Variants in GARNL3 observed in about 807,000 individuals in gnomAD.
GARNL3 encodes the protein GTPase-activating Rap/Ran-GAP domain-like protein 3.
In GARNL3, 63 loss-of-function variants were observed where a neutral mutation model predicts 125.0. The observed-to-expected ratio is 0.50, with a 90% CI of 0.41 to 0.62. GARNL3 has a LOEUF of 0.62. Among genes scored for constraint, GARNL3 ranks in the 20% least tolerant of loss-of-function variants. The pLI is 0.00. For missense variants in GARNL3, 994 were observed against 1,244.0 expected, an observed-to-expected ratio of 0.80 and a Z score of 3.02; for synonymous variants, 439 against 457.5, an observed-to-expected ratio of 0.96 and a Z score of 0.52.
chr9:127,261,979 C>T (rs539360938), upstream of GARNL3, among the ~76,000 whole-genome samples: 25 of 152,336 alleles, frequency 1.6e-4, no homozygotes, highest in South Asian at 5.0e-3. Context: ...TTGTTTCTAG[C>T]CACTTTCCCT....
At chr9:127,363,741 A>G (rs988570997) in intron 21 of GARNL3, 1 of 152,230 alleles carries the variant, frequency 6.6e-6, no homozygotes, top group Non-Finnish European at 1.5e-5. Context: ...ACACCTGAGA[A>G]ACTGTATGAA....
At chr9:127,363,580 G>GT (rs1831126916) in intron 21 of GARNL3, 1 of 152,486 alleles carries the variant, frequency 6.6e-6, no homozygotes, top group Admixed American at 6.5e-5. Context: ...GGTGACACCA[G>GT]TGAAGAGAAG....
At chr9:127,322,014 G>T (rs2065419700) in intron 6 of GARNL3, among the ~76,000 whole-genome samples, 1 of 152,052 alleles carries the variant, frequency 6.6e-6, no homozygotes, top group South Asian at 2.1e-4. Context: ...TTGTTTTGAT[G>T]TAATTTTTAA....
Position 127,387,203 on chromosome 9 carries a change from A to G in GARNL3, c.2399A>G (p.Tyr800Cys). Residue 800 changes from tyrosine (Y) to cysteine (C), a missense_variant, in exon 25 of 28, where the codon TAC becomes TGC. By Grantham distance (194) the Tyr-to-Cys change is radical (BLOSUM62 -2). Transcript: ENST00000373387. ...LQLVASRSDI[Y>C]FTATAAVNEV... The stretch of plus-strand genomic sequence containing the variant: ...TCTCTTCCTTTCTAGTCGGATATAT[A>G]CTTCACAGCAACTGCAGCTGTGAAT... 6.2e-7 allele frequency: 1 copy of G among 1,613,322 alleles called. No homozygotes were observed. The highest frequency in any genetic ancestry group is 8.5e-7 in the Non-Finnish European group (1 of 1,179,762).
At chr9:127,272,872 T>G (rs2063858315) in intron 1 of GARNL3, among the ~76,000 whole-genome samples, 1 of 152,248 alleles carries the variant, frequency 6.6e-6, no homozygotes, top group South Asian at 2.1e-4. Flanking sequence ...TGCTCACTTT[T>G]AAGCTTTTTC....
intron 2 of GARNL3, among the ~76,000 whole-genome samples, chr9:127,310,179 A>G (rs781583152): frequency 2.0e-5 from 3 of 152,238 alleles, no homozygotes; most frequent in Non-Finnish European, 4.4e-5. Context: ...TGAAGCATCT[A>G]AAAGAATATA....
chr9:127,305,544 G>T (rs1303438437), intron 2 of GARNL3, among the ~76,000 whole-genome samples: 2 of 151,966 alleles, frequency 1.3e-5, no homozygotes, highest in African/African-American at 4.8e-5. Flanking sequence ...AAGTGAAATA[G>T]GTAACTTTTA....
intron 21 of GARNL3, 140 bp downstream of exon 21, chr9:127,357,517 T>G: frequency 1.2e-6 from 1 of 802,524 alleles, no homozygotes; most frequent in Non-Finnish European, 1.9e-6. Flanking sequence ...ATTCACTATT[T>G]AGACTGAGCC....
intron 7 of GARNL3, among the ~76,000 whole-genome samples, chr9:127,325,557 A>ATAAATAG (rs1177576087): frequency 1.3e-5 from 2 of 152,334 alleles, no homozygotes; most frequent in African/African-American, 4.8e-5. Flanking sequence ...TAGGCAATGG[A>ATAAATAG]GTAAATAAAT....
intron 2 of GARNL3, chr9:127,300,611 C>T (rs1262029830): frequency 1.0e-5 from 3 of 297,734 alleles, no homozygotes; most frequent in South Asian, 3.1e-5. Context: ...TGCGCCACCA[C>T]GCTTGGCTAA....
chr9:127,353,955 C>T lies in GARNL3; in HGVS notation c.1642+11C>T. The T allele has an allele frequency of 1.3e-6, 2 of 1,575,056 alleles. No individual in the cohort carries two copies. The highest frequency in any genetic ancestry group is 1.7e-6 in the Non-Finnish European group (2 of 1,144,686). ...TCAGAGCAGACAAAGGTGGTATTCC[C>T]TGCCGGGTGGCATGCTGTGGAGGAA... On this transcript the variant is annotated intron_variant, in intron 18 of 27. Transcript: ENST00000373387.
At chr9:127,335,489 A>G (rs777241233) in intron 10 of GARNL3, among the ~76,000 whole-genome samples, 156 bp downstream of exon 10, 1 of 152,172 alleles carries the variant, frequency 6.6e-6, no homozygotes, top group Non-Finnish European at 1.5e-5. Context: ...GGAACTTTCT[A>G]CAAATCTTAG....
intron 1 of GARNL3, among the ~76,000 whole-genome samples, chr9:127,290,124 GTTA>G (rs1381012002): frequency 6.6e-6 from 1 of 152,080 alleles, no homozygotes; most frequent in African/African-American, 2.4e-5. Context: ...CCTACCTTGT[GTTA>G]TTATGAGAAT....
rs576555600 is a variant in GARNL3, at chr9:127,374,265, C to T, written c.2161+8899C>T. On this transcript the variant is annotated intron_variant, in intron 22 of 27. Coordinates refer to ENST00000373387, the MANE Select transcript of GARNL3 (RefSeq NM_032293.5). ...GCAGTGAGCTGAGATTGCGCCATTG[C>T]GCTCCAGCCTGGGCAACAAGAGCAA... Among the ~76,000 whole-genome samples the T allele has an allele frequency of 3.2e-4, 48 of 151,904 alleles. No individual in the cohort carries two copies. In the East Asian group the frequency reaches 8.3e-3, roughly 26 times the overall value.
chr9:127,255,416 T>A (rs2063480165), intron 2 of GARNL3, among the ~76,000 whole-genome samples: 1 of 152,196 alleles, frequency 6.6e-6, no homozygotes. Context: ...CTTGTGTAAA[T>A]TTTTAAAACA....
rs1343477869 is a variant in GARNL3, at chr9:127,318,098, A to G, written c.474A>G (p.Thr158=). 2 of 1,609,314 alleles carry G rather than the reference A, an allele frequency of 1.2e-6. No individual in the cohort carries two copies. The highest frequency in any genetic ancestry group is 1.7e-6 in the Non-Finnish European group (2 of 1,175,608). The change falls in exon 5 of 28, where the codon ACA becomes ACG. Residue 158 remains threonine, a synonymous_variant. Coordinates refer to ENST00000373387, the MANE Select transcript of GARNL3 (RefSeq NM_032293.5). The part of the protein sequence containing the change: ...TQKICLPYSP[T]KTLSVKSILS... Reference sequence around the variant, plus strand: ...AAATATGCCTTCCCTACAGTCCCACAAAAACTCTTTCTGTGAAGTCCATCT... The same window carrying G: ...AAATATGCCTTCCCTACAGTCCCACGAAAACTCTTTCTGTGAAGTCCATCT...
chr9:127,339,982 C>T (rs1829775455), intron 13 of GARNL3, among the ~76,000 whole-genome samples: 1 of 152,146 alleles, frequency 6.6e-6, no homozygotes, highest in Non-Finnish European at 1.5e-5. Context: ...CTACACTCAC[C>T]CACTAAGGAC....
At chr9:127,393,005 C>A in intron 27 of GARNL3, 78 bp from the exon 28 acceptor site, 1 of 1,188,650 alleles carries the variant, frequency 8.4e-7, no homozygotes, top group Admixed American at 2.1e-5. Flanking sequence ...CTCAGATGAG[C>A]AGGAAATTGC....
chr9:127,226,060 CT>C (rs2062907685), intron 1 of GARNL3, among the ~76,000 whole-genome samples: 1 of 152,250 alleles, frequency 6.6e-6, no homozygotes. Flanking sequence ...CCAACGTCCT[CT>C]CAGCCACACT....
Sources: allele counts gnomAD v4.1 joint callset (sites outside exome capture counted in the v4.1 genomes callset), GRCh38; gene constraint gnomAD v4.1.1; transcripts MANE v1.5; gene names NCBI Gene and HGNC (gene_info 2026-07-23, HGNC 2026-07-21).